The following LYPD6 variants were observed in gnomAD, a reference collection of about 807,000 sequenced individuals.
The protein encoded by LYPD6 is ly6/PLAUR domain-containing protein 6.
LYPD6 carries 15 observed loss-of-function variants against 22.7 expected under a neutral mutation model. The observed-to-expected ratio is 0.66, with a 90% CI of 0.44 to 1.02. The LOEUF is 1.02. Among genes scored for constraint, LYPD6 ranks in the 50% least tolerant of loss-of-function variants. The probability of loss-of-function intolerance (pLI) is 0.00; values close to 1 mark genes in which losing one functional copy is unlikely to be tolerated. For missense variants in LYPD6, 189 were observed against 208.4 expected (o/e 0.91, Z 0.57); for synonymous variants, 72 against 77.5 (o/e 0.93, Z 0.37).
intron 1 of LYPD6, among the ~76,000 whole-genome samples, chr2:149,414,528 ATAAT>A (rs776229750): frequency 1.1e-4 from 17 of 152,206 alleles, no homozygotes; most frequent in Non-Finnish European, 1.9e-4. Context: ...ATCGCCTCAA[ATAAT>A]ATAAAATTAT....
At chr2:149,357,478 G>C (rs988585696) in intron 1 of LYPD6, among the ~76,000 whole-genome samples, 1 of 152,112 alleles carries the variant, frequency 6.6e-6, no homozygotes, top group Non-Finnish European at 1.5e-5. Context: ...CCTGAGAGCT[G>C]TTTCTCTGGG....
intron 3 of LYPD6, among the ~76,000 whole-genome samples, chr2:149,467,847 T>C (rs1681235856): frequency 6.6e-6 from 1 of 152,122 alleles, no homozygotes; most frequent in South Asian, 2.1e-4. Context: ...CATTTTTCTT[T>C]AGTTTTTAAA....
chr2:149,458,425 G>A (rs559639933), intron 3 of LYPD6, among the ~76,000 whole-genome samples: 1 of 152,196 alleles, frequency 6.6e-6, no homozygotes, highest in South Asian at 2.1e-4. Context: ...CCCATCCCAT[G>A]GCATTAGTAG....
chr2:149,428,445 C>G (rs1413615229), intron 1 of LYPD6, among the ~76,000 whole-genome samples: 2 of 152,170 alleles, frequency 1.3e-5, no homozygotes, highest in Non-Finnish European at 2.9e-5. Context: ...CACCGTTTCT[C>G]TTAGCCAGCA....
At chr2:149,438,413 G>C (rs1346006366) in intron 2 of LYPD6, among the ~76,000 whole-genome samples, 1 of 152,212 alleles carries the variant, frequency 6.6e-6, no homozygotes, top group Non-Finnish European at 1.5e-5. Flanking sequence ...TTCTGCTGCA[G>C]ACATTCTAAG....
chr2:149,334,518 C>T (rs2105042533), intron 1 of LYPD6, among the ~76,000 whole-genome samples: 1 of 152,294 alleles, frequency 6.6e-6, no homozygotes, highest in South Asian at 2.1e-4. Flanking sequence ...ACCTAATCAG[C>T]AGACTAATTA....
At chr2:149,398,444 TGTG>T (rs1682475798) in intron 1 of LYPD6, among the ~76,000 whole-genome samples, 1 of 150,236 alleles carries the variant, frequency 6.7e-6, no homozygotes, top group Non-Finnish European at 1.5e-5. Flanking sequence ...TGTGTGTGTG[TGTG>T]TATGTGTATG....
At chr2:149,405,722 T>C (rs1171591174) in intron 1 of LYPD6, among the ~76,000 whole-genome samples, 2 of 152,058 alleles carry the variant, frequency 1.3e-5, no homozygotes, top group Non-Finnish European at 2.9e-5. Flanking sequence ...GTTTTTTGTG[T>C]CTCTATTTCC....
At chr2:149,368,090 T>C (rs1475124050) in intron 1 of LYPD6, 1 of 152,164 alleles carries the variant, frequency 6.6e-6, no homozygotes, top group Non-Finnish European at 1.5e-5. Context: ...TCAAAAAGCC[T>C]GAGAAAAAGT....
chr2:149,414,876 C>T (rs1308439070), intron 1 of LYPD6, among the ~76,000 whole-genome samples: 1 of 152,124 alleles, frequency 6.6e-6, no homozygotes, highest in Admixed American at 6.5e-5. Flanking sequence ...ATGGTGGACA[C>T]CAGCTGGCAG....
At chr2:149,443,393 A>G (rs1683611549) in intron 2 of LYPD6, among the ~76,000 whole-genome samples, 1 of 152,230 alleles carries the variant, frequency 6.6e-6, no homozygotes, top group South Asian at 2.1e-4. Flanking sequence ...CAGTGAATTA[A>G]TCATGCAAAC....
At chr2:149,461,352 G>A (rs1681083567) in intron 3 of LYPD6, among the ~76,000 whole-genome samples, 1 of 151,864 alleles carries the variant, frequency 6.6e-6, no homozygotes, top group Non-Finnish European at 1.5e-5. Flanking sequence ...CACTAAAAAT[G>A]AGATAAATAG....
At chr2:149,484,570 A>G in the LYPD6 span, among the ~76,000 whole-genome samples, 2 of 152,180 alleles carry the variant, frequency 1.3e-5, no homozygotes, top group Admixed American at 6.5e-5. Flanking sequence ...GTCCATGCAC[A>G]GCAATCCTTC....
At chr2:149,469,349 T>A (rs1458003521) in intron 4 of LYPD6, among the ~76,000 whole-genome samples, 1 of 152,092 alleles carries the variant, frequency 6.6e-6, no homozygotes, top group Non-Finnish European at 1.5e-5. Context: ...CAGTGTAAAA[T>A]GAGCTTGGGA....
At chr2:149,396,393 G>A (rs531892367) in intron 1 of LYPD6, among the ~76,000 whole-genome samples, 160 of 151,878 alleles carry the variant, frequency 1.1e-3, no homozygotes, top group African/African-American at 3.8e-3. Context: ...CTGCAGCCCT[G>A]CTTCTTCCTA....
intron 1 of LYPD6, among the ~76,000 whole-genome samples, chr2:149,377,539 G>A (rs1281544852): frequency 6.6e-6 from 1 of 152,160 alleles, no homozygotes; most frequent in African/African-American, 2.4e-5. Flanking sequence ...CCAGTATTTG[G>A]GAGGCCAAGG....
intron 1 of LYPD6, among the ~76,000 whole-genome samples, chr2:149,435,951 TA>T (rs35293293): frequency 2.0e-5 from 3 of 152,334 alleles, no homozygotes; most frequent in Admixed American, 6.5e-5. Flanking sequence ...TTCAGCTATT[TA>T]AAAAAATATT....
chr2:149,427,223 A>G (rs1351733620), intron 1 of LYPD6, among the ~76,000 whole-genome samples: 1 of 152,224 alleles, frequency 6.6e-6, no homozygotes, highest in African/African-American at 2.4e-5. Context: ...GCTGCAATTT[A>G]GTTCACTTAG....
chr2:149,378,200 T>C (rs1418473108), intron 1 of LYPD6, among the ~76,000 whole-genome samples: 1 of 152,154 alleles, frequency 6.6e-6, no homozygotes, highest in Admixed American at 6.5e-5. Flanking sequence ...CCTTGCAGCC[T>C]CAACCTTCCC....
Sources: gnomAD v4.1 joint callset for allele counts (sites outside exome capture counted in the v4.1 genomes callset) on GRCh38, gnomAD v4.1.1 for gene constraint, MANE v1.5 for transcripts, NCBI Gene and HGNC (gene_info 2026-07-23, HGNC 2026-07-21) for gene names.